Variants in WDR25 observed in about 807,000 individuals in gnomAD.
WDR25 encodes WD repeat-containing protein 25.
In WDR25, 35 loss-of-function variants were observed where a neutral mutation model predicts 47.7. That is an observed-to-expected ratio of 0.73 (90% CI 0.56 to 0.97). The LOEUF is 0.97. Ranked by LOEUF, WDR25 falls within the 50% of genes least tolerant of loss-of-function variation. The pLI is 0.00. For missense variants in WDR25, 634 were observed against 704.7 expected, an observed-to-expected ratio of 0.90 and a Z score of 1.14; for synonymous variants, 248 against 278.9, an observed-to-expected ratio of 0.89 and a Z score of 1.10.
chr14:100,485,488 T>C (rs574523651), intron 4 of WDR25, among the ~76,000 whole-genome samples: 116 of 152,312 alleles, frequency 7.6e-4, no homozygotes, highest in Non-Finnish European at 1.3e-4. Context: ...AAGGCAGTCA[T>C]GCAGACAGGG....
chr14:100,398,135 G>A lies in WDR25; in HGVS notation c.822+16389G>A, dbSNP rs1191523067. Among the ~76,000 whole-genome samples, 4 of 152,328 alleles carry A rather than the reference G, an allele frequency of 2.6e-5. No homozygotes were observed. In the East Asian group the frequency reaches 7.7e-4, roughly 29 times the overall value. On this transcript the variant is annotated intron_variant, in intron 2 of 6. Coordinates refer to ENST00000402312, the MANE Select transcript of WDR25 (RefSeq NM_001161476.3). ...TTACAGGCATGAACCACCACACCCG[G>A]CCTGGAGAAGACTTCTGATCAGGAG...
At chr14:100,509,453 G>A (rs1307780477) in intron 4 of WDR25, among the ~76,000 whole-genome samples, 1 of 152,160 alleles carries the variant, frequency 6.6e-6, no homozygotes, top group Non-Finnish European at 1.5e-5. Flanking sequence ...CCCCCAGGCT[G>A]CAGAACTTCC....
At chr14:100,458,658 C>G (rs1899281775) in intron 2 of WDR25, among the ~76,000 whole-genome samples, 1 of 152,012 alleles carries the variant, frequency 6.6e-6, no homozygotes, top group Non-Finnish European at 1.5e-5. Flanking sequence ...CCATATAAAA[C>G]AAGTCTCAGT....
chr14:100,442,497 C>G lies in WDR25; in HGVS notation c.823-25524C>G, dbSNP rs190668659. Among the ~76,000 whole-genome samples the G allele has an allele frequency of 9.8e-5, 15 of 152,326 alleles. No homozygotes were observed. In the East Asian group the frequency reaches 2.7e-3, roughly 27 times the overall value. On this transcript the variant is annotated intron_variant, in intron 2 of 6. Transcript: ENST00000402312. ...ATTTTATATGCTAGGCTCTCCCACACAAAACCAGATCAGAACCCTCTCTCT... is the reference window on the plus strand; with the variant it reads ...ATTTTATATGCTAGGCTCTCCCACAGAAAACCAGATCAGAACCCTCTCTCT...
intron 2 of WDR25, among the ~76,000 whole-genome samples, chr14:100,402,158 G>A (rs904409075): frequency 1.3e-5 from 2 of 152,262 alleles, no homozygotes; most frequent in Middle Eastern, 3.4e-3. Flanking sequence ...CCCTCAGAAG[G>A]TAAAGGGAAA....
At position 100,468,423 on chromosome 14, in the gene WDR25, G is replaced by T. The variant is rs1208731014; in HGVS notation, c.970+255G>T. 3.9e-5 allele frequency among the ~76,000 whole-genome samples: 6 copies of T among 152,226 alleles called. No individual in the cohort carries two copies. Among genetic ancestry groups the T allele is most frequent in the African/African-American group, 1.2e-4 (5 of 41,460 alleles). On this transcript the variant is annotated intron_variant, in intron 3 of 6. Transcript: ENST00000402312. The surrounding 1 kb of genome is among the most constrained non-coding windows in gnomAD (Gnocchi z 4.5). The stretch of plus-strand genomic sequence containing the variant: ...GGTTGTCTCAGCCTCAAGCCATGGG[G>T]CTGGATAAAGAGGTGGCTTTTTAAT...
intron 2 of WDR25, among the ~76,000 whole-genome samples, chr14:100,408,851 T>C (rs1352043032): frequency 6.6e-6 from 1 of 152,238 alleles, no homozygotes; most frequent in African/African-American, 2.4e-5. Context: ...TTATTCTGAT[T>C]ATTAAAATAA....
At chr14:100,413,966 A>C (rs959757285) in intron 2 of WDR25, among the ~76,000 whole-genome samples, 1 of 148,468 alleles carries the variant, frequency 6.7e-6, no homozygotes, top group Non-Finnish European at 1.5e-5. Flanking sequence ...GACACATTTG[A>C]TTTGTTTCTA....
chr14:100,524,397 A>T (rs996955051), intron 4 of WDR25, among the ~76,000 whole-genome samples: 1 of 152,138 alleles, frequency 6.6e-6, no homozygotes, highest in Non-Finnish European at 1.5e-5. Context: ...TTAGGGATCA[A>T]AGTGTTGAGG....
chr14:100,526,831 C>T (rs111738352), intron 5 of WDR25, among the ~76,000 whole-genome samples: 1 of 82,676 alleles, frequency 1.2e-5, no homozygotes, highest in African/African-American at 4.0e-5. Flanking sequence ...ACTACCACCA[C>T]CAGTGTCATC....
intron 3 of WDR25, among the ~76,000 whole-genome samples, chr14:100,477,755 A>G (rs982496822): frequency 6.6e-6 from 1 of 152,232 alleles, no homozygotes; most frequent in Non-Finnish European, 1.5e-5. Context: ...CTCATGAGAA[A>G]AGCTGAAAAA....
intron 2 of WDR25, among the ~76,000 whole-genome samples, chr14:100,408,605 A>G (rs569433950): frequency 6.6e-6 from 1 of 152,214 alleles, no homozygotes; most frequent in South Asian, 2.1e-4. Context: ...TTACGCAGGC[A>G]GGCATAGGAC....
chr14:100,502,022 A>G lies in WDR25; in HGVS notation c.1101+17898A>G, dbSNP rs1385027598. ...GTCCGCTCCTACCACCCTTTGGTGG[A>G]TCCTATTCCCCATCCCTCCCCGGGT... On this transcript the variant is annotated intron_variant, in intron 4 of 6. Transcript: ENST00000402312. This position sits in a 1 kb window ranked among gnomAD's most constrained non-coding sequence, Gnocchi z 4.5. Among the ~76,000 whole-genome samples, 2 of 152,150 alleles carry G rather than the reference A, an allele frequency of 1.3e-5. No individual in the cohort carries two copies. The highest frequency in any genetic ancestry group is 2.9e-5 in the Non-Finnish European group (2 of 68,006).
chr14:100,488,677 C>T lies in WDR25; in HGVS notation c.1101+4553C>T, dbSNP rs1389837902. Among the ~76,000 whole-genome samples the T allele has an allele frequency of 1.3e-5, 2 of 152,088 alleles. No individual in the cohort carries two copies. The highest frequency in any genetic ancestry group is 4.8e-5 in the African/African-American group (2 of 41,398). On this transcript the variant is annotated intron_variant, in intron 4 of 6. Transcript: ENST00000402312. The surrounding 1 kb of genome is among the most constrained non-coding windows in gnomAD (Gnocchi z 4.2). ...AGATCCTGCATTTCTAACAAGCTCC[C>T]AGGAAATGAAGGGGAGGATAGTATA...
chr14:100,509,009 A>T (rs1211351702), intron 4 of WDR25, among the ~76,000 whole-genome samples: 1 of 152,144 alleles, frequency 6.6e-6, no homozygotes, highest in African/African-American at 2.4e-5. Flanking sequence ...TTTAAAATCT[A>T]TGTTAATGAG....
chr14:100,380,499 CT>C (rs35017232), intron 1 of WDR25, among the ~76,000 whole-genome samples: 50,561 of 145,108 alleles, frequency 0.35, 10,473 homozygotes, highest in South Asian at 0.62. Context: ...CTTTTTCTTT[CT>C]TTTTTTTTTT....
At chr14:100,487,498 C>A (rs1900423741) in intron 4 of WDR25, 1 of 152,108 alleles carries the variant, frequency 6.6e-6, no homozygotes, top group Non-Finnish European at 1.5e-5. Context: ...ACCACATAGC[C>A]CACAAAACCA....
At chr14:100,435,766 A>G (rs1898481397) in intron 2 of WDR25, among the ~76,000 whole-genome samples, 1 of 152,200 alleles carries the variant, frequency 6.6e-6, no homozygotes, top group Non-Finnish European at 1.5e-5. Context: ...GCAAGTCCAG[A>G]TGGGGATCTT....
At chr14:100,494,161 G>A (rs1900657156) in intron 4 of WDR25, among the ~76,000 whole-genome samples, 1 of 152,190 alleles carries the variant, frequency 6.6e-6, no homozygotes, top group Non-Finnish European at 1.5e-5. Flanking sequence ...TGGGCTCAAG[G>A]GATCCTCCCA....
Sources: gnomAD v4.1 joint callset for allele counts (sites outside exome capture counted in the v4.1 genomes callset) on GRCh38, gnomAD v4.1.1 for gene constraint, Gnocchi (gnomAD v3.1) non-coding constraint, MANE v1.5 for transcripts, NCBI Gene and HGNC (gene_info 2026-07-23, HGNC 2026-07-21) for gene names.